Variants in MAGI1 observed in about 807,000 individuals in gnomAD.
The protein encoded by MAGI1 is membrane associated guanylate kinase, WW and PDZ domain containing 1, also known as membrane-associated guanylate kinase, WW and PDZ domain-containing protein 1.
A neutral mutation model predicts 139.9 loss-of-function variants in MAGI1; 58 were observed. The ratio of observed to expected loss-of-function variants is 0.41; its 90% CI spans 0.34 to 0.52. The LOEUF is 0.52. MAGI1 is among the 20% of genes least tolerant of loss of function. MAGI1 has a pLI of 0.12. For missense variants in MAGI1, 1,874 were observed against 1,901.6 expected (o/e 0.99, Z 0.27); for synonymous variants, 812 against 737.9 (o/e 1.10, Z -1.63).
rs565016629 is a variant in MAGI1 at position 65,840,372 on chromosome 3, T to G, written c.313+197624A>C. Among the ~76,000 whole-genome samples, 3 of 152,338 alleles carry G rather than the reference T, an allele frequency of 2.0e-5. No individual in the cohort carries two copies. In the South Asian group the frequency reaches 6.2e-4, roughly 32 times the overall value. ...GCAGAAGGCATTCGGTCTTGCACCA[T>G]TAAGTACAATGATAGCTCCAGGTTT... On this transcript the variant is annotated intron_variant, in intron 1 of 22. Transcript: ENST00000402939.
At chr3:65,485,782 A>G (rs1951587772) in intron 3 of MAGI1, among the ~76,000 whole-genome samples, 1 of 152,258 alleles carries the variant, frequency 6.6e-6, no homozygotes, top group Non-Finnish European at 1.5e-5. Flanking sequence ...TTTCACATAA[A>G]GAAACTGATA....
chr3:65,875,520 G>A (rs2060082564), intron 1 of MAGI1, among the ~76,000 whole-genome samples: 1 of 152,130 alleles, frequency 6.6e-6, no homozygotes, highest in Non-Finnish European at 1.5e-5. Context: ...TGAGGAAATG[G>A]AAAAAACACA....
intron 1 of MAGI1, 67 bp from the exon 2 acceptor site, chr3:65,622,155 G>A (rs746164202): frequency 6.3e-6 from 7 of 1,111,640 alleles, no homozygotes; most frequent in Non-Finnish European, 9.6e-6. Context: ...AAGTAGCCAA[G>A]AACTGATTGC....
chr3:65,465,527 C>A (rs1437460023), intron 5 of MAGI1, among the ~76,000 whole-genome samples: 1 of 152,024 alleles, frequency 6.6e-6, no homozygotes, highest in Non-Finnish European at 1.5e-5. Flanking sequence ...TGGGTTAATT[C>A]TTCTTTTCTT....
chr3:65,794,074 A>G (rs1319005732), intron 1 of MAGI1, among the ~76,000 whole-genome samples: 1 of 152,148 alleles, frequency 6.6e-6, no homozygotes, highest in African/African-American at 2.4e-5. Context: ...ACACGACTCG[A>G]CCTGGACCAC....
At chr3:65,771,561 C>G (rs567248903) in intron 1 of MAGI1, among the ~76,000 whole-genome samples, 1 of 152,238 alleles carries the variant, frequency 6.6e-6, no homozygotes, top group African/African-American at 2.4e-5. Context: ...TTGTTTAAAA[C>G]TAGCTATCAA....
At chr3:65,780,181 C>A (rs1021342639) in intron 1 of MAGI1, among the ~76,000 whole-genome samples, 8 of 152,066 alleles carry the variant, frequency 5.3e-5, no homozygotes, top group Non-Finnish European at 7.4e-5. Flanking sequence ...GCACCACCAG[C>A]CCTGGCTAAT....
At chr3:65,986,467 G>C (rs1375002279) in intron 1 of MAGI1, among the ~76,000 whole-genome samples, 1 of 152,144 alleles carries the variant, frequency 6.6e-6, no homozygotes, top group Non-Finnish European at 1.5e-5. Context: ...TAAGATAAAG[G>C]GCAGGAGCAG....
intron 1 of MAGI1, among the ~76,000 whole-genome samples, chr3:65,752,896 C>T (rs770556787): frequency 2.6e-5 from 4 of 152,130 alleles, no homozygotes; most frequent in Non-Finnish European, 4.4e-5. Context: ...CATTTTCCAC[C>T]CACTGACCTC....
In MAGI1 at chr3:65,363,618, G is replaced by A. The variant is rs202208512; in HGVS notation, c.3352-10C>T. On this transcript the variant is annotated splice_polypyrimidine_tract_variant and intron_variant, in intron 20 of 22. Transcript: ENST00000402939. ...TGTAAAAATCTTGCTCCTATTTAAA[G>A]AAATTAAATGCAATCATTCTAGGAG... 6.2e-7 allele frequency: 1 copy of A among 1,610,192 alleles called. No homozygotes were observed. The highest frequency in any genetic ancestry group is 8.5e-7 in the Non-Finnish European group (1 of 1,178,350).
chr3:65,635,948 C>G (rs2084591320), intron 1 of MAGI1, among the ~76,000 whole-genome samples: 1 of 152,156 alleles, frequency 6.6e-6, no homozygotes, highest in Non-Finnish European at 1.5e-5. Flanking sequence ...ACTGTGAGAG[C>G]AGAAACCACT....
chr3:65,876,975 C>T lies in MAGI1; in HGVS notation c.313+161021G>A, dbSNP rs941875392. On this transcript the variant is annotated intron_variant, in intron 1 of 22. Transcript: ENST00000402939. ...AGCCAGGATGGTCTCAATCTCCTGA[C>T]CTCATGATCCGCCCGCCTCGGCCTC... 6.6e-5 allele frequency among the ~76,000 whole-genome samples: 10 copies of T among 152,150 alleles called. 1 individual carries two copies. Among genetic ancestry groups the T allele is most frequent in the Admixed American group, 6.5e-4 (10 of 15,272 alleles).
Position 65,766,978 on chromosome 3 carries a change from A to C in MAGI1, c.314-144890T>G, listed in dbSNP as rs578000553. Among the ~76,000 whole-genome samples the C allele has an allele frequency of 2.6e-5, 4 of 152,190 alleles. No individual in the cohort carries two copies. The South Asian group carries it at 6.2e-4, about 24-fold the overall frequency. ...TTCTAGTCCGAATTTGGTTGGTAACAAACTACCGTCTTGGGCAGGTCATAT... is the reference window on the plus strand; with the variant it reads ...TTCTAGTCCGAATTTGGTTGGTAACCAACTACCGTCTTGGGCAGGTCATAT... On this transcript the variant is annotated intron_variant, in intron 1 of 22. Transcript: ENST00000402939.
intron 1 of MAGI1, among the ~76,000 whole-genome samples, chr3:65,659,321 A>G (rs1280178451): frequency 6.6e-6 from 1 of 152,216 alleles, no homozygotes; most frequent in Non-Finnish European, 1.5e-5. Context: ...GACTACTGAA[A>G]TAGCTACAAA....
chr3:65,868,469 A>T (rs1402057931), intron 1 of MAGI1, among the ~76,000 whole-genome samples: 1 of 152,184 alleles, frequency 6.6e-6, no homozygotes, highest in East Asian at 1.9e-4. Flanking sequence ...CCTGTCATGA[A>T]TTCACCACAT....
At chr3:65,369,435 G>A (rs149646040) in intron 18 of MAGI1, among the ~76,000 whole-genome samples, 2 of 152,174 alleles carry the variant, frequency 1.3e-5, no homozygotes, top group African/African-American at 2.4e-5. Flanking sequence ...GTAGACTCAC[G>A]CACTGCACAA....
At chr3:65,593,544 T>A (rs2082057561) in intron 2 of MAGI1, among the ~76,000 whole-genome samples, 1 of 152,206 alleles carries the variant, frequency 6.6e-6, no homozygotes, top group East Asian at 1.9e-4. Flanking sequence ...AAATAATATG[T>A]ATCATTAAAT....
In MAGI1 at chr3:65,661,499, A is replaced by G. The variant is rs139128927; in HGVS notation, c.314-39411T>C. On this transcript the variant is annotated intron_variant, in intron 1 of 22. Transcript: ENST00000402939. ...AACCATCAAGCCCTGCTGTATGGTT[A>G]AAGTCTGAGACTATCGTCAAGATGT... Among the ~76,000 whole-genome samples, 439 of 152,300 alleles carry G rather than the reference A, an allele frequency of 2.9e-3. 15 individuals carry two copies. In the South Asian group the frequency reaches 0.061, roughly 21 times the overall value.
At chr3:65,691,765 A>G (rs190680143) in intron 1 of MAGI1, among the ~76,000 whole-genome samples, 1 of 152,306 alleles carries the variant, frequency 6.6e-6, no homozygotes, top group Non-Finnish European at 1.5e-5. Flanking sequence ...GCATTATAGT[A>G]CATTTATCAA....
Sources: gnomAD v4.1 joint callset for allele counts (sites outside exome capture counted in the v4.1 genomes callset) on GRCh38, gnomAD v4.1.1 for gene constraint, MANE v1.5 for transcripts, NCBI Gene and HGNC (gene_info 2026-07-23, HGNC 2026-07-21) for gene names.